The following SCAMP4 variants were observed in gnomAD, a reference collection of about 807,000 sequenced individuals.
SCAMP4 encodes secretory carrier-associated membrane protein 4.
A neutral mutation model predicts 32.1 loss-of-function variants in SCAMP4; 19 were observed. The ratio of observed to expected loss-of-function variants is 0.59; its 90% CI spans 0.41 to 0.87. The LOEUF (loss-of-function observed/expected upper bound fraction) is 0.87. SCAMP4 is among the 40% of genes least tolerant of loss of function. SCAMP4 has a pLI of 0.00. For missense variants in SCAMP4, 302 were observed against 309.0 expected (o/e 0.98, Z 0.17); for synonymous variants, 152 against 132.7 (o/e 1.15, Z -1.00).
rs1348648689 is a variant in SCAMP4 at position 1,923,050 on chromosome 19, C to T, written c.396-20C>T. ...TCCAGCAGGTGTGCAGGCACCCACG[C>T]ACTCTCTTGTCCCTTGCAGCGGCTG... On this transcript the variant is annotated intron_variant, in intron 5 of 6. Coordinates refer to ENST00000316097, the MANE Select transcript of SCAMP4 (RefSeq NM_079834.4). 1.3e-6 allele frequency: 2 copies of T among 1,529,878 alleles called. No homozygotes were observed. Among genetic ancestry groups the T allele is most frequent in the Non-Finnish European group, 1.8e-6 (2 of 1,133,802 alleles). The allele number at this position is 1,529,878 out of a possible 1,614,324, so 94.8% of individuals were successfully genotyped here.
chr19:1,919,156 C>A, intron 5 of SCAMP4, 166 bp downstream of exon 5: 1 of 1,444,068 alleles, frequency 6.9e-7, no homozygotes. Context: ...TCCTCGCCAG[C>A]GCCCGCGTCC....
At chr19:1,911,451 C>T (rs564701984) in intron 1 of SCAMP4, among the ~76,000 whole-genome samples, 5 of 152,296 alleles carry the variant, frequency 3.3e-5, no homozygotes, top group African/African-American at 9.6e-5. Flanking sequence ...GGATTACAGG[C>T]GTGAGCCGCT....
intron 4 of SCAMP4, 106 bp downstream of exon 4, chr19:1,918,389 G>A (rs2013806696): frequency 2.4e-6 from 3 of 1,239,768 alleles, no homozygotes; most frequent in Admixed American, 2.9e-5. Flanking sequence ...TCTGCCCAGT[G>A]TGAAAGACAG....
At chr19:1,916,975 G>A (rs1342443911) in intron 2 of SCAMP4, among the ~76,000 whole-genome samples, 2 of 152,220 alleles carry the variant, frequency 1.3e-5, no homozygotes, top group African/African-American at 4.8e-5. Context: ...AGAGTAGCAG[G>A]GCCCTGCATG....
rs2014032808 is a variant in SCAMP4 at position 1,924,360 on chromosome 19, G to T, written c.*76G>T. The T allele has an allele frequency of 9.2e-6, 13 of 1,412,468 alleles. No homozygotes were observed. The South Asian group carries it at 1.6e-4, about 17-fold the overall frequency. 87.5% of individuals were successfully genotyped at this position (1,412,468 alleles called of 1,614,324 possible). A position where few individuals can be genotyped will look rare whatever the true frequency, so the allele number is the denominator to read the frequency against. On this transcript the variant is annotated 3_prime_UTR_variant, in exon 7 of 7. Coordinates refer to ENST00000316097, the MANE Select transcript of SCAMP4 (RefSeq NM_079834.4). ...GCTGCTACCCCTGGTCCCGAGGGCT[G>T]GGAGTACCTGGGGCCCCATCCCCCC...
At chr19:1,916,641 T>G (rs2013742790) in intron 2 of SCAMP4, among the ~76,000 whole-genome samples, 1 of 151,814 alleles carries the variant, frequency 6.6e-6, no homozygotes, top group Non-Finnish European at 1.5e-5. Flanking sequence ...GTAGTTTTTG[T>G]AGAGTTGGGG....
chr19:1,909,381 G>A (rs903053816), intron 1 of SCAMP4, among the ~76,000 whole-genome samples: 3 of 152,208 alleles, frequency 2.0e-5, no homozygotes, highest in Non-Finnish European at 2.9e-5. Context: ...TCTAATGGGC[G>A]GATCCCGAGA....
At position 1,908,993 on chromosome 19, in the gene SCAMP4, T is replaced by A. The variant is rs2145426545; in HGVS notation, c.-42+3554T>A. ...GGTGGCATGTGCCTGTATTCCCAGC[T>A]ACTAGGGGGGCTGAGGCAGGAGAAT... is the stretch of plus-strand genomic sequence containing the variant. On this transcript the variant is annotated intron_variant, in intron 1 of 6. Transcript: ENST00000316097. This position sits in a 1 kb window ranked among gnomAD's most constrained non-coding sequence, Gnocchi z 4.2. Among the ~76,000 whole-genome samples, 1 of 151,800 alleles carries A rather than the reference T, an allele frequency of 6.6e-6. No homozygotes were observed. Among genetic ancestry groups the A allele is most frequent in the East Asian group, 1.9e-4 (1 of 5,158 alleles).
Position 1,919,548 on chromosome 19 carries a change from G to A in SCAMP4, c.395+558G>A, listed in dbSNP as rs917670238. 13 of 752,146 alleles carry A rather than the reference G, an allele frequency of 1.7e-5. No homozygotes were observed. The African/African-American group carries it at 1.9e-4, about 11-fold the overall frequency. The allele number at this position is 752,146 out of a possible 1,614,324, so 46.6% of individuals were successfully genotyped here. ...GTCTTGCTCTGTCACCCAGGCTGGG[G>A]CGCAGTGGTGCAATCTCAGCTCACT... is the stretch of plus-strand genomic sequence containing the variant. On this transcript the variant is annotated intron_variant, in intron 5 of 6. Transcript: ENST00000316097.
intron 4 of SCAMP4, 71 bp from the exon 5 acceptor site, chr19:1,918,818 C>T (rs1484655930): frequency 1.9e-6 from 3 of 1,550,966 alleles, no homozygotes; most frequent in Admixed American, 2.0e-5. Context: ...TCTGACTGGC[C>T]CGTTCCTCTC....
rs773771777 is a variant in SCAMP4, at chr19:1,918,206, C to T, written c.216C>T (p.Gly72=). Residue 72 remains glycine, a synonymous_variant, in exon 4 of 7, where the codon GGC becomes GGT. Transcript: ENST00000316097. ...GCGGAGGCTCGGGGACCAACTTCGGCCTGGCCTTCGTGTGGCTGCTCCTGT... is the reference window on the plus strand; with the variant it reads ...GCGGAGGCTCGGGGACCAACTTCGGTCTGGCCTTCGTGTGGCTGCTCCTGT... The part of the protein sequence containing the change: ...WIGGGSGTNF[G]LAFVWLLLFT... The T allele has an allele frequency of 8.7e-6, 14 of 1,612,120 alleles. No homozygotes were observed. The highest frequency in any genetic ancestry group is 1.1e-5 in the Non-Finnish European group (13 of 1,179,842).
At chr19:1,922,948 TA>T in intron 5 of SCAMP4, 121 bp from the exon 6 acceptor site, 1 of 1,365,912 alleles carries the variant, frequency 7.3e-7, no homozygotes, top group Non-Finnish European at 9.4e-7. Context: ...GTCGTCCTTG[TA>T]TGAGCTGTCC....
intron 2 of SCAMP4, among the ~76,000 whole-genome samples, chr19:1,916,737 T>G (rs1309270513): frequency 2.0e-5 from 3 of 152,128 alleles, no homozygotes; most frequent in Non-Finnish European, 2.9e-5. Flanking sequence ...AGATCACAGG[T>G]GGGAGCCCCC....
intron 1 of SCAMP4, chr19:1,912,324 C>A: frequency 6.5e-7 from 1 of 1,539,142 alleles, no homozygotes; most frequent in South Asian, 1.2e-5. Flanking sequence ...TCACCTCAAG[C>A]GGGTGCGGCC....
intron 1 of SCAMP4, chr19:1,912,879 G>A: frequency 6.2e-7 from 1 of 1,604,376 alleles, no homozygotes; most frequent in Non-Finnish European, 8.5e-7. Context: ...GGCCGTCCGC[G>A]CAGGCGCCGT....
intron 1 of SCAMP4, chr19:1,912,545 C>A: frequency 6.7e-7 from 1 of 1,501,002 alleles, no homozygotes. Flanking sequence ...CCACGTCCTT[C>A]CACGAGGACA....
At chr19:1,911,929 G>C in intron 1 of SCAMP4, 1 of 1,299,556 alleles carries the variant, frequency 7.7e-7, no homozygotes, top group South Asian at 1.7e-5. Flanking sequence ...CTGATGCGGT[G>C]ACCTGGGCCG....
chr19:1,921,433 G>A, intron 5 of SCAMP4: 1 of 985,438 alleles, frequency 1.0e-6, no homozygotes, highest in Non-Finnish European at 1.2e-6. Flanking sequence ...GCCAGGTACT[G>A]AGGACACGGT....
chr19:1,919,073 C>T, intron 5 of SCAMP4, 83 bp downstream of exon 5: 1 of 1,550,810 alleles, frequency 6.4e-7, no homozygotes, highest in Non-Finnish European at 8.7e-7. Flanking sequence ...CAGGCGGCCA[C>T]CGGAGCGTGC....
Sources: gnomAD v4.1 joint callset for allele counts (sites outside exome capture counted in the v4.1 genomes callset) on GRCh38, gnomAD v4.1.1 for gene constraint, Gnocchi (gnomAD v3.1) non-coding constraint, MANE v1.5 for transcripts, NCBI Gene and HGNC (gene_info 2026-07-23, HGNC 2026-07-21) for gene names.